The following SGCD variants were observed in gnomAD, a reference collection of about 807,000 sequenced individuals.
The protein encoded by SGCD is delta-sarcoglycan.
SGCD carries 18 observed loss-of-function variants against 36.6 expected under a neutral mutation model. The ratio of observed to expected loss-of-function variants is 0.49; its 90% CI spans 0.34 to 0.73. The LOEUF is 0.73. Among genes scored for constraint, SGCD ranks in the 30% least tolerant of loss-of-function variants. The pLI is 0.01. For missense variants in SGCD, 387 were observed against 346.7 expected, an observed-to-expected ratio of 1.12 and a Z score of -0.92; for synonymous variants, 133 against 130.6, an observed-to-expected ratio of 1.02 and a Z score of -0.12.
intron 3 of SGCD, among the ~76,000 whole-genome samples, chr5:156,464,312 C>T (rs913812409): frequency 4.6e-5 from 7 of 151,154 alleles, no homozygotes; most frequent in African/African-American, 7.3e-5. Context: ...CCTGTGCCTC[C>T]CAGGTTCAAT....
intron 3 of SGCD, among the ~76,000 whole-genome samples, chr5:156,231,680 G>A (rs930389701): frequency 7.9e-5 from 12 of 152,204 alleles, no homozygotes; most frequent in Non-Finnish European, 1.5e-4. Context: ...TTAGAAAGTA[G>A]AGCTATAGGA....
At chr5:155,854,771 G>C in the SGCD span, among the ~76,000 whole-genome samples, 1 of 152,072 alleles carries the variant, frequency 6.6e-6, no homozygotes, top group East Asian at 1.9e-4. Context: ...TTTAAATATA[G>C]TAATAATAGA....
chr5:156,031,911 G>T (rs1759355990), intron 1 of SGCD, among the ~76,000 whole-genome samples: 1 of 152,212 alleles, frequency 6.6e-6, no homozygotes, highest in African/African-American at 2.4e-5. Flanking sequence ...GTGCTTATTA[G>T]GTGCTAAGTC....
intron 1 of SGCD, among the ~76,000 whole-genome samples, chr5:155,882,729 AT>A (rs1228583748): frequency 5.9e-5 from 9 of 152,188 alleles, no homozygotes; most frequent in Admixed American, 5.2e-4. Context: ...ATATGCTATC[AT>A]TTAAGCTTTC....
intron 6 of SGCD, among the ~76,000 whole-genome samples, chr5:156,647,003 T>C (rs1763251258): frequency 6.6e-6 from 1 of 152,184 alleles, no homozygotes; most frequent in Admixed American, 6.5e-5. Flanking sequence ...AAACTTTTGC[T>C]AGTCATTAGG....
chr5:156,502,281 C>T (rs538256972), intron 3 of SGCD, among the ~76,000 whole-genome samples: 7 of 152,052 alleles, frequency 4.6e-5, no homozygotes, highest in African/African-American at 7.2e-5. Flanking sequence ...CTCCTGACCT[C>T]GTGATCCGCC....
At chr5:156,627,785 A>G (rs1409113647) in intron 6 of SGCD, among the ~76,000 whole-genome samples, 1 of 152,210 alleles carries the variant, frequency 6.6e-6, no homozygotes, top group Non-Finnish European at 1.5e-5. Flanking sequence ...AAAATAAACA[A>G]TGAGTTTGGA....
At chr5:156,005,107 T>G (rs149121763) in intron 1 of SGCD, among the ~76,000 whole-genome samples, 4 of 152,226 alleles carry the variant, frequency 2.6e-5, no homozygotes, top group African/African-American at 9.6e-5. Flanking sequence ...AAGATAAATC[T>G]GCAGAGTGAA....
At chr5:156,436,702 A>G (rs1282306433) in intron 3 of SGCD, among the ~76,000 whole-genome samples, 1 of 152,176 alleles carries the variant, frequency 6.6e-6, no homozygotes, top group Admixed American at 6.6e-5. Context: ...CAGTGGCTAA[A>G]TTTACCCTGT....
chr5:156,693,407 TC>T (rs1183651491), intron 7 of SGCD, among the ~76,000 whole-genome samples: 1 of 152,174 alleles, frequency 6.6e-6, no homozygotes, highest in East Asian at 1.9e-4. Context: ...GCCTCCTTCA[TC>T]CCCAGACTTC....
At chr5:155,840,219 C>T in the SGCD span, among the ~76,000 whole-genome samples, 2 of 151,398 alleles carry the variant, frequency 1.3e-5, no homozygotes, top group African/African-American at 4.8e-5. Context: ...CACATCCTCC[C>T]TCAAGGTGGG....
At chr5:155,768,816 C>T in the SGCD span, among the ~76,000 whole-genome samples, 4 of 152,102 alleles carry the variant, frequency 2.6e-5, no homozygotes, top group African/African-American at 4.8e-5. Context: ...GAGGCTTATG[C>T]GGCTCAGTGA....
chr5:155,841,916 T>C, the SGCD span, among the ~76,000 whole-genome samples: 1 of 152,010 alleles, frequency 6.6e-6, no homozygotes, highest in African/African-American at 2.4e-5. Context: ...ATTCTTCTGG[T>C]GGTGGGGTGG....
At chr5:156,088,924 T>A (rs1761168213) in intron 1 of SGCD, among the ~76,000 whole-genome samples, 1 of 152,124 alleles carries the variant, frequency 6.6e-6, no homozygotes, top group South Asian at 2.1e-4. Flanking sequence ...TCTGGACAGG[T>A]TGACTGATGA....
chr5:156,062,399 G>C (rs895360845), intron 1 of SGCD, among the ~76,000 whole-genome samples: 4 of 82,614 alleles, frequency 4.8e-5, no homozygotes, highest in Non-Finnish European at 9.0e-5. Flanking sequence ...ACATACGTGT[G>C]CATGTGTCTT....
At chr5:155,983,304 G>A (rs1012616081) in intron 1 of SGCD, among the ~76,000 whole-genome samples, 1 of 152,210 alleles carries the variant, frequency 6.6e-6, no homozygotes, top group East Asian at 1.9e-4. Context: ...GGGCTCAAAC[G>A]CAGGGCTCTT....
At chr5:156,492,223 A>G (rs549711800) in intron 3 of SGCD, among the ~76,000 whole-genome samples, 36 of 152,276 alleles carry the variant, frequency 2.4e-4, no homozygotes, top group Middle Eastern at 3.4e-3. Context: ...ATCTGGGAAT[A>G]AACTTCTCTA....
At chr5:156,593,407 C>G (rs1760802155) in intron 5 of SGCD, among the ~76,000 whole-genome samples, 1 of 152,118 alleles carries the variant, frequency 6.6e-6, no homozygotes, top group Non-Finnish European at 1.5e-5. Context: ...AACACACAAA[C>G]ACAACTCTGG....
At chr5:156,303,288 C>G (rs899792229) in intron 3 of SGCD, among the ~76,000 whole-genome samples, 1 of 152,096 alleles carries the variant, frequency 6.6e-6, no homozygotes, top group Non-Finnish European at 1.5e-5. Context: ...TGCTACTGGG[C>G]TACCATTGAT....
Sources: gnomAD v4.1 joint callset for allele counts (sites outside exome capture counted in the v4.1 genomes callset) on GRCh38, gnomAD v4.1.1 for gene constraint, MANE v1.5 for transcripts, NCBI Gene and HGNC (gene_info 2026-07-23, HGNC 2026-07-21) for gene names.